ARHGEF16: variants seen among roughly 807,000 people sequenced by gnomAD.
ARHGEF16 encodes the protein Rho guanine exchange factor (GEF) 16.
Under a neutral mutation model 74.1 loss-of-function variants are expected in ARHGEF16, and 59 were observed. That is an observed-to-expected ratio of 0.80 (90% confidence interval 0.65 to 0.99). The LOEUF is 0.99. Ranked by LOEUF, ARHGEF16 falls within the 50% of genes least tolerant of loss-of-function variation. The pLI, the probability that ARHGEF16 is intolerant of heterozygous loss-of-function variation, is 0.00. For synonymous variants in ARHGEF16, 415 were observed against 412.6 expected, an observed-to-expected ratio of 1.01 and a Z score of -0.07; for missense variants, 948 against 986.6, an observed-to-expected ratio of 0.96 and a Z score of 0.52.
chr1:3,473,539 A>C lies in ARHGEF16; in HGVS notation c.1305+17A>C, dbSNP rs1306177537. ...CTGATGGATGTAAGTCCACGGCCTG[A>C]GGGTGGGGCCGGGCATACCATCCTG... On this transcript the variant is annotated intron_variant, in intron 8 of 14. Coordinates refer to ENST00000378378, the MANE Select transcript of ARHGEF16 (RefSeq NM_014448.4). 6.2e-7 allele frequency: 1 copy of C among 1,603,906 alleles called. No homozygotes were observed. Among genetic ancestry groups the C allele is most frequent in the Non-Finnish European group, 8.5e-7 (1 of 1,179,924 alleles).
intron 11 of ARHGEF16, 171 bp downstream of exon 11, chr1:3,478,197 G>A (rs1474885959): frequency 2.3e-5 from 24 of 1,026,638 alleles, no homozygotes; most frequent in Admixed American, 1.7e-4. Flanking sequence ...GGTGGCGCTC[G>A]CTGTGCAGCC....
chr1:3,463,147 G>A lies in ARHGEF16; in HGVS notation c.63G>A (p.Ser21=), dbSNP rs542341349. Residue 21 remains serine, a synonymous_variant, in exon 2 of 15, where the codon TCG becomes TCA. Coordinates refer to ENST00000378378, the MANE Select transcript of ARHGEF16 (RefSeq NM_014448.4). ...EEKLLGHRFH[S]ELRLDAGGNP... Reference sequence around the variant, plus strand: ...AGCTCCTGGGACACCGCTTCCACTCGGAGCTCCGGCTCGATGCCGGGGGGA... The same window carrying A: ...AGCTCCTGGGACACCGCTTCCACTCAGAGCTCCGGCTCGATGCCGGGGGGA... 52 of 1,495,992 alleles carry A rather than the reference G, an allele frequency of 3.5e-5. No individual in the cohort carries two copies. The highest frequency in any genetic ancestry group is 5.0e-5 in the East Asian group (2 of 40,290). 92.7% of individuals were successfully genotyped at this position (1,495,992 alleles called of 1,614,324 possible).
At chr1:3,476,378 G>A (rs111372778) in intron 10 of ARHGEF16, among the ~76,000 whole-genome samples, 1 of 152,196 alleles carries the variant, frequency 6.6e-6, no homozygotes, top group Non-Finnish European at 1.5e-5. Context: ...GGGGGCAACA[G>A]GAGTGGCCCT....
At chr1:3,463,762 T>TGGCAGGTGCTTACTAAC in intron 2 of ARHGEF16, 90 bp downstream of exon 2, 2 of 1,147,276 alleles carry the variant, frequency 1.7e-6, no homozygotes, top group Non-Finnish European at 2.3e-6. Context: ...TTCTGCATCA[T>TGGCAGGTGCTTACTAAC]GGCAGCTGCC....
At chr1:3,462,117 G>A (rs752886145) in intron 1 of ARHGEF16, among the ~76,000 whole-genome samples, 29 of 151,940 alleles carry the variant, frequency 1.9e-4, no homozygotes, top group Non-Finnish European at 2.9e-4. Flanking sequence ...GGCAGCCCAC[G>A]GGGTGTGGGG....
chr1:3,471,117 G>GGGGTGTGTGTGCGT (rs1364510289), intron 6 of ARHGEF16, among the ~76,000 whole-genome samples: 10 of 150,126 alleles, frequency 6.7e-5, no homozygotes, highest in South Asian at 6.3e-4. Flanking sequence ...TGCCTGGGCA[G>GGGGTGTGTGTGCGT]GGGTGTGTGT....
chr1:3,478,146 G>T, intron 11 of ARHGEF16, 120 bp downstream of exon 11: 1 of 1,383,920 alleles, frequency 7.2e-7, no homozygotes, highest in South Asian at 1.3e-5. Context: ...GCCGAGGCGC[G>T]GCTTCCACTC....
intron 1 of ARHGEF16, among the ~76,000 whole-genome samples, chr1:3,460,380 G>C (rs1639364139): frequency 6.6e-6 from 1 of 152,198 alleles, no homozygotes; most frequent in Non-Finnish European, 1.5e-5. Flanking sequence ...TTAGGAAGGA[G>C]GAAGGCCTCT....
At chr1:3,468,106 T>C (rs1442391101) in intron 4 of ARHGEF16, among the ~76,000 whole-genome samples, 1 of 152,130 alleles carries the variant, frequency 6.6e-6, no homozygotes, top group African/African-American at 2.4e-5. Flanking sequence ...AAGTGCAGTC[T>C]TACTCTCCTG....
At position 3,479,812 on chromosome 1, in the gene ARHGEF16, A is replaced by G; in HGVS notation, c.1889A>G (p.Asp630Gly). 6.2e-7 allele frequency: 1 copy of G among 1,611,986 alleles called. No individual in the cohort carries two copies. Among genetic ancestry groups the G allele is most frequent in the Non-Finnish European group, 8.5e-7 (1 of 1,179,872 alleles). ...RQWQGLSSKG[D>G]LPQVEITKAF... ...CTGTGATGGCCACTGCCCTATGCAG[A>G]CCTGCCCCAGGTGGAGATCACCAAG... Residue 630 changes from aspartate to glycine, a missense_variant and splice_region_variant, in exon 14 of 15, where the codon GAC (aspartate) becomes GGC (glycine). Coordinates refer to ENST00000378378, the MANE Select transcript of ARHGEF16 (RefSeq NM_014448.4).
intron 1 of ARHGEF16, among the ~76,000 whole-genome samples, chr1:3,456,295 G>A (rs74751843): frequency 1.4e-3 from 209 of 152,370 alleles, no homozygotes; most frequent in African/African-American, 5.0e-3. Flanking sequence ...CACATGTGAC[G>A]CGCAGGTCCC....
At position 3,478,368 on chromosome 1, in the gene ARHGEF16, C is replaced by T. The variant is rs531138687; in HGVS notation, c.1626-56C>T. ...GGGTGGGACCTGGACGGGAGCCCAG[C>T]AGCACTGGGTAGGAGCTGGGTGGGA... On this transcript the variant is annotated intron_variant, in intron 11 of 14. Transcript: ENST00000378378. 2.8e-5 allele frequency: 43 copies of T among 1,522,330 alleles called. No individual in the cohort carries two copies. The East Asian group carries it at 9.1e-4, about 32-fold the overall frequency. 94.3% of individuals were successfully genotyped at this position (1,522,330 alleles called of 1,614,324 possible). A position where few individuals can be genotyped will look rare whatever the true frequency, so the allele number is the denominator to read the frequency against.
At chr1:3,471,099 G>A (rs1230379057) in intron 6 of ARHGEF16, among the ~76,000 whole-genome samples, 1 of 147,122 alleles carries the variant, frequency 6.8e-6, no homozygotes, top group Non-Finnish European at 1.5e-5. Context: ...TGTGTGCGTG[G>A]GTGTGTGTGC....
intron 8 of ARHGEF16, chr1:3,474,486 G>T: frequency 1.9e-6 from 1 of 533,726 alleles, no homozygotes; most frequent in Admixed American, 3.1e-5. Flanking sequence ...GTTCCAGGCA[G>T]GGGTGCTAGC....
chr1:3,471,621 T>A lies in ARHGEF16; in HGVS notation c.1023-1457T>A, dbSNP rs1361841860. 3.5e-6 allele frequency: 4 copies of A among 1,156,234 alleles called. No individual in the cohort carries two copies. In the South Asian group the frequency reaches 6.6e-5, roughly 19 times the overall value. 71.6% of individuals were successfully genotyped at this position (1,156,234 alleles called of 1,614,324 possible). On this transcript the variant is annotated intron_variant, in intron 6 of 14. Transcript: ENST00000378378. ...CAGGCAGGCTTTGTGTTCTCTGAGC[T>A]CTGTGTCCTCCGGTCCCCTCTGCCT...
chr1:3,472,238 C>A (rs936667917), intron 6 of ARHGEF16, among the ~76,000 whole-genome samples: 2 of 152,254 alleles, frequency 1.3e-5, no homozygotes, highest in African/African-American at 4.8e-5. Context: ...CCGCCTCACA[C>A]AGCAGGTGAC....
At chr1:3,479,671 G>A (rs1356641729) in intron 13 of ARHGEF16, 81 bp downstream of exon 13, 7 of 1,573,086 alleles carry the variant, frequency 4.4e-6, no homozygotes, top group Non-Finnish European at 6.1e-6. Context: ...AAGTGAGCCT[G>A]GCACCTGGCC....
chr1:3,479,428 G>T (rs547901883), intron 12 of ARHGEF16, 89 bp from the exon 13 acceptor site: 1 of 1,359,822 alleles, frequency 7.4e-7, no homozygotes, highest in Non-Finnish European at 1.0e-6. Flanking sequence ...TCCTTGCCAC[G>T]GCCCCCATGG....
rs749891677 is a variant in ARHGEF16 at position 3,478,611 on chromosome 1, G to A, written c.1813G>A (p.Ala605Thr). The A allele has an allele frequency of 1.2e-5, 19 of 1,602,840 alleles. No individual in the cohort carries two copies. Among genetic ancestry groups the A allele is most frequent in the South Asian group, 1.0e-4 (9 of 90,138 alleles). The change falls in exon 12 of 15, where the codon GCG becomes ACG. Residue 605 changes from alanine to threonine, a missense_variant and splice_region_variant. Physicochemically the swap from Ala to Thr is moderately conservative, Grantham distance 58 (BLOSUM62 0). Transcript: ENST00000378378. ...QEQLLLSSDS[A>T]SDRARWIVAL... ...GCAGCTCCTGCTCTCCTCGGACTCC[G>A]CGTAAGTGGGCTCCCGGGAGGGCTG...
Sources: allele counts gnomAD v4.1 joint callset (sites outside exome capture counted in the v4.1 genomes callset), GRCh38; gene constraint gnomAD v4.1.1; transcripts MANE v1.5; gene names NCBI Gene and HGNC (gene_info 2026-07-23, HGNC 2026-07-21).